NCALD: variants seen among roughly 807,000 people sequenced by gnomAD.
The protein encoded by NCALD is neurocalcin-delta.
NCALD carries 10 observed loss-of-function variants against 18.6 expected under a neutral mutation model. The observed-to-expected ratio is 0.54, with a 90% confidence interval of 0.33 to 0.91. The LOEUF is 0.91. Ranked by LOEUF, NCALD falls within the 40% of genes least tolerant of loss-of-function variation. The pLI is 0.03. For synonymous variants in NCALD, 88 were observed against 87.4 expected (o/e 1.01, Z -0.04); for missense variants, 184 against 247.6 (o/e 0.74, Z 1.72).
In NCALD at chr8:101,707,880, T is replaced by TAATA. The variant is rs562856899; in HGVS notation, c.378+11368_378+11371dup. On this transcript the variant is annotated intron_variant, in intron 2 of 3. Coordinates refer to ENST00000220931, the MANE Select transcript of NCALD (RefSeq NM_032041.3). ...AAAACTCCATCTCAAAAAATGGTAA[T>TAATA]AATAAATAAATAAATAAATAAATAA... Among the ~76,000 whole-genome samples the TAATA allele has an allele frequency of 1.8e-3, 277 of 151,356 alleles. 3 individuals are homozygous for TAATA. Among genetic ancestry groups the TAATA allele is most frequent in the South Asian group, 0.015 (70 of 4,802 alleles).
chr8:102,012,045 T>C (rs960722697), intron 2 of NCALD, among the ~76,000 whole-genome samples: 1 of 152,188 alleles, frequency 6.6e-6, no homozygotes, highest in African/African-American at 2.4e-5. Context: ...CAATGGCCAC[T>C]GTGAGGTGTA....
At chr8:101,902,602 T>TGCA (rs1221948792) in intron 3 of NCALD, among the ~76,000 whole-genome samples, 8 of 152,220 alleles carry the variant, frequency 5.3e-5, no homozygotes, top group Non-Finnish European at 1.2e-4. Flanking sequence ...CAAGCAGTGT[T>TGCA]GCAGCATTAA....
chr8:101,920,984 T>C (rs1818144895), intron 2 of NCALD, among the ~76,000 whole-genome samples: 2 of 152,122 alleles, frequency 1.3e-5, no homozygotes, highest in African/African-American at 4.8e-5. Flanking sequence ...GTTAGACTCA[T>C]AGGGAAGGAG....
At chr8:101,835,721 T>A in intron 4 of NCALD, among the ~76,000 whole-genome samples, 1 of 151,870 alleles carries the variant, frequency 6.6e-6, no homozygotes, top group Admixed American at 6.6e-5. Flanking sequence ...TGTGTGTGCA[T>A]GCGTGTGTGT....
At chr8:101,707,183 TA>T (rs1815568462) in intron 2 of NCALD, among the ~76,000 whole-genome samples, 1 of 152,186 alleles carries the variant, frequency 6.6e-6, no homozygotes, top group South Asian at 2.1e-4. Context: ...AGGCCCATAT[TA>T]AAAGTGACAG....
intron 3 of NCALD, 151 bp downstream of exon 3, chr8:101,692,640 C>A: frequency 7.2e-7 from 1 of 1,390,168 alleles, no homozygotes; most frequent in Non-Finnish European, 9.4e-7. Flanking sequence ...TCTCCTGTGG[C>A]CACCTGGTCC....
In NCALD at chr8:102,070,332, T is replaced by C. The variant is rs1309239793; in HGVS notation, c.-209-50043A>G. Among the ~76,000 whole-genome samples, 4 of 152,294 alleles carry C rather than the reference T, an allele frequency of 2.6e-5. No individual in the cohort carries two copies. In the East Asian group the frequency reaches 7.7e-4, roughly 29 times the overall value. On this transcript the variant is annotated intron_variant, in intron 1 of 6. Coordinates refer to the NCALD transcript ENST00000311028. ...ATAAAGTATTTGAAAAATTCAAATA[T>C]TTGAAAAAAGTTATCACTCTGCATT... is the stretch of plus-strand genomic sequence containing the variant.
In NCALD at chr8:101,840,395, G is replaced by A. The variant is rs118098497; in HGVS notation, c.-20+46746C>T. ...TTTAAGCAAGTATGCTGCTTGGTAG[G>A]TCTTGTAATATATAGCCTGAAAAAC... On this transcript the variant is annotated intron_variant, in intron 4 of 6. Coordinates refer to the NCALD transcript ENST00000311028. Among the ~76,000 whole-genome samples the A allele has an allele frequency of 5.5e-4, 84 of 152,262 alleles. No individual in the cohort carries two copies. The East Asian group carries it at 0.013, about 23-fold the overall frequency.
intron 1 of NCALD, among the ~76,000 whole-genome samples, chr8:101,748,633 A>G (rs1443989262): frequency 6.6e-6 from 1 of 152,216 alleles, no homozygotes; most frequent in Non-Finnish European, 1.5e-5. Context: ...ACACTAACTC[A>G]TTTAATCATC....
rs1821601191 is a variant in NCALD at position 102,004,201 on chromosome 8, G to A, written c.-157+16036C>T. On this transcript the variant is annotated intron_variant, in intron 2 of 6. Coordinates refer to the NCALD transcript ENST00000311028. ...CAAAGTCTCAGGATACAAAATCAAT[G>A]TACAAAAATCACAAGCATTCTTATA... Among the ~76,000 whole-genome samples, 4 of 152,068 alleles carry A rather than the reference G, an allele frequency of 2.6e-5. No individual in the cohort carries two copies. The South Asian group carries it at 8.3e-4, about 32-fold the overall frequency.
chr8:102,021,677 C>G (rs1483544470), intron 1 of NCALD, among the ~76,000 whole-genome samples: 1 of 152,166 alleles, frequency 6.6e-6, no homozygotes, highest in Non-Finnish European at 1.5e-5. Context: ...CTTCCACTAG[C>G]CCGGTGAATG....
At chr8:101,867,614 T>C (rs1056055759) in intron 4 of NCALD, among the ~76,000 whole-genome samples, 4 of 152,232 alleles carry the variant, frequency 2.6e-5, no homozygotes, top group African/African-American at 9.6e-5. Context: ...GGGATTTAAT[T>C]TGTAGGCTTT....
At chr8:101,756,019 G>A (rs1041138723) in intron 1 of NCALD, among the ~76,000 whole-genome samples, 2 of 152,126 alleles carry the variant, frequency 1.3e-5, no homozygotes, top group African/African-American at 2.4e-5. Context: ...CACACACTGT[G>A]TGCTGAGCTG....
intron 1 of NCALD, among the ~76,000 whole-genome samples, chr8:102,030,692 A>G (rs916011449): frequency 6.6e-6 from 1 of 152,154 alleles, no homozygotes; most frequent in African/African-American, 2.4e-5. Flanking sequence ...CCTGGCCAAC[A>G]TGGCAAAACC....
chr8:101,814,330 T>C (rs1477243908), intron 4 of NCALD, among the ~76,000 whole-genome samples: 13 of 152,106 alleles, frequency 8.5e-5, no homozygotes, highest in Admixed American at 5.9e-4. Context: ...CCAGGTATGG[T>C]TTAACATTCA....
chr8:101,862,094 C>A (rs1411113123), intron 4 of NCALD, among the ~76,000 whole-genome samples: 2 of 152,164 alleles, frequency 1.3e-5, no homozygotes, highest in Admixed American at 6.5e-5. Context: ...ATGATACCAC[C>A]AAGTATTCAT....
chr8:102,008,074 A>G (rs1444383311), intron 2 of NCALD, among the ~76,000 whole-genome samples: 2 of 152,338 alleles, frequency 1.3e-5, no homozygotes, highest in East Asian at 3.9e-4. Flanking sequence ...TGCCTTTGGC[A>G]TGTGTAAGAG....
At chr8:102,068,193 G>A (rs1364839672) in intron 1 of NCALD, among the ~76,000 whole-genome samples, 3 of 152,164 alleles carry the variant, frequency 2.0e-5, no homozygotes, top group East Asian at 3.9e-4. Flanking sequence ...GCTGGACACC[G>A]ACTGACAGGC....
At chr8:102,035,913 T>C (rs190494622) in intron 1 of NCALD, among the ~76,000 whole-genome samples, 1 of 152,254 alleles carries the variant, frequency 6.6e-6, no homozygotes, top group East Asian at 1.9e-4. Flanking sequence ...CAAAATTATA[T>C]TGTCGCTATA....
Sources: allele counts gnomAD v4.1 joint callset (sites outside exome capture counted in the v4.1 genomes callset), GRCh38; gene constraint gnomAD v4.1.1; transcripts MANE v1.5; gene names NCBI Gene and HGNC (gene_info 2026-07-23, HGNC 2026-07-21).